NQO2: variants seen among roughly 807,000 people sequenced by gnomAD.
NQO2 encodes the protein ribosyldihydronicotinamide dehydrogenase [quinone].
Under a neutral mutation model 22.0 loss-of-function variants are expected in NQO2, and 18 were observed. That is an observed-to-expected ratio of 0.82 (90% CI 0.56 to 1.21). NQO2 has a LOEUF of 1.21. Ranked by LOEUF, NQO2 falls within the 50% of genes most tolerant of loss-of-function variation. NQO2 has a pLI of 0.00. For synonymous variants in NQO2, 106 were observed against 110.8 expected (o/e 0.96, Z 0.28); for missense variants, 267 against 286.9 (o/e 0.93, Z 0.50).
At chr6:3,018,626 G>C (rs373176501) in intron 6 of NQO2, among the ~76,000 whole-genome samples, 1 of 152,198 alleles carries the variant, frequency 6.6e-6, no homozygotes. Context: ...GAGGGTGTGG[G>C]TTTTAAAGGA....
chr6:3,010,479 T>G lies in NQO2; in HGVS notation c.172+290T>G, dbSNP rs893164294. Among the ~76,000 whole-genome samples, 10 of 152,028 alleles carry G rather than the reference T, an allele frequency of 6.6e-5. No homozygotes were observed. The East Asian group carries it at 1.7e-3, about 26-fold the overall frequency. The stretch of plus-strand genomic sequence containing the variant: ...CACAAACTACCCAGCACCAGCTGTG[T>G]GGGAAATTTCCTCCCAAGTCACAGG... On this transcript the variant is annotated intron_variant, in intron 3 of 6. Transcript: ENST00000380455.
intron 1 of NQO2, among the ~76,000 whole-genome samples, chr6:3,001,693 G>A (rs978568193): frequency 6.6e-6 from 1 of 151,886 alleles, no homozygotes. Context: ...AGAGGCACAG[G>A]AAAAAAAGTG....
chr6:3,000,993 C>T (rs1581314582), intron 1 of NQO2, among the ~76,000 whole-genome samples: 2 of 152,190 alleles, frequency 1.3e-5, no homozygotes, highest in South Asian at 4.1e-4. Flanking sequence ...CAGGCGCCTG[C>T]CACCATGCCC....
At chr6:3,019,399 T>TC in intron 6 of NQO2, 80 bp from the exon 7 acceptor site, 3 of 1,489,418 alleles carry the variant, frequency 2.0e-6, no homozygotes, top group Non-Finnish European at 2.7e-6. Context: ...TCACACCATT[T>TC]CCCCCCTTAA....
intron 3 of NQO2, among the ~76,000 whole-genome samples, 156 bp downstream of exon 3, chr6:3,010,345 T>C (rs945374042): frequency 6.6e-6 from 1 of 151,986 alleles, no homozygotes; most frequent in African/African-American, 2.4e-5. Context: ...ACCAGCAGTA[T>C]CCCAGAAGTC....
intron 1 of NQO2, among the ~76,000 whole-genome samples, chr6:3,003,231 C>T (rs974512807): frequency 1.3e-5 from 2 of 152,202 alleles, no homozygotes; most frequent in South Asian, 4.1e-4. Flanking sequence ...CTGTAAGTTA[C>T]AGCCCCACTT....
In NQO2 at chr6:3,019,665, A is replaced by G; in HGVS notation, c.*10A>G. On this transcript the variant is annotated 3_prime_UTR_variant, in exon 7 of 7. Transcript: ENST00000380455. Reference sequence around the variant, plus strand: ...GCACTTCGGGCAATAACTCTGTGGCACGTGGGCATCACGTAAGCAGCACAC... The same window carrying G: ...GCACTTCGGGCAATAACTCTGTGGCGCGTGGGCATCACGTAAGCAGCACAC... The G allele has an allele frequency of 6.3e-7, 1 of 1,594,472 alleles. No individual in the cohort carries two copies. Among genetic ancestry groups the G allele is most frequent in the South Asian group, 1.1e-5 (1 of 89,610 alleles).
chr6:3,013,235 G>T (rs371134202), intron 4 of NQO2, among the ~76,000 whole-genome samples: 1 of 152,034 alleles, frequency 6.6e-6, no homozygotes, highest in African/African-American at 2.4e-5. Flanking sequence ...GATTACAGGC[G>T]TGAGCCACCG....
chr6:3,018,154 A>G (rs866249262), intron 6 of NQO2, among the ~76,000 whole-genome samples: 42 of 152,216 alleles, frequency 2.8e-4, no homozygotes, highest in Admixed American at 5.9e-4. Flanking sequence ...GACCCCGACC[A>G]TTTGCTGTTT....
Position 3,016,430 on chromosome 6 carries a change from CAAA to C in NQO2, c.418-436_418-434del, listed in dbSNP as rs36118697. 1.1e-3 allele frequency among the ~76,000 whole-genome samples: 92 copies of C among 85,668 alleles called. 1 individual carries two copies. The East Asian group carries it at 0.016, about 15-fold the overall frequency. 56.2% of individuals were successfully genotyped at this position (85,668 alleles called of 152,430 possible). A position where few individuals can be genotyped will look rare whatever the true frequency, so the allele number is the denominator to read the frequency against. On this transcript the variant is annotated intron_variant, in intron 5 of 6. Transcript: ENST00000380455. The stretch of plus-strand genomic sequence containing the variant: ...TGGGTGACAAAGCGAGACTCTGTCT[CAAA>C]AAAAAAAAAAAAAAAAAGGAACGAT...
At chr6:3,014,735 A>T (rs1347608559) in intron 4 of NQO2, among the ~76,000 whole-genome samples, 1 of 152,090 alleles carries the variant, frequency 6.6e-6, no homozygotes, top group Non-Finnish European at 1.5e-5. Flanking sequence ...AGAGCCCACC[A>T]CTCACTGAGC....
At chr6:3,014,978 G>A in intron 4 of NQO2, 1 of 731,048 alleles carries the variant, frequency 1.4e-6, no homozygotes, top group South Asian at 1.5e-5. Context: ...TTTGGTAACA[G>A]ATGATTGCCT....
intron 2 of NQO2, among the ~76,000 whole-genome samples, chr6:3,008,313 G>A (rs184194002): frequency 2.6e-5 from 4 of 152,156 alleles, no homozygotes; most frequent in African/African-American, 9.6e-5. Context: ...CAGCTACTCA[G>A]GAGGCTGAGG....
intron 5 of NQO2, 110 bp from the exon 6 acceptor site, chr6:3,016,774 T>C (rs1267763192): frequency 4.6e-6 from 7 of 1,511,866 alleles, no homozygotes; most frequent in Non-Finnish European, 5.3e-6. Context: ...CTGGAGGGTG[T>C]CCACACGCAT....
At chr6:3,000,623 C>G (rs62391551) in intron 1 of NQO2, among the ~76,000 whole-genome samples, 2,769 of 151,800 alleles carry the variant, frequency 0.018, 42 homozygotes, top group Non-Finnish European at 0.031. Context: ...CTCACTGCAA[C>G]CTCCGCCTCC....
Position 3,015,646 on chromosome 6 carries a change from A to T in NQO2, c.417+3A>T. On this transcript the variant is annotated splice_donor_region_variant and intron_variant, in intron 5 of 6. Coordinates refer to ENST00000380455, the MANE Select transcript of NQO2 (RefSeq NM_000904.6). ...TCTACGATTCCGGTTTGCTCCAGGT[A>T]TGTGCTCTTGGATAAGGATCACTAT... 1.9e-6 allele frequency: 3 copies of T among 1,613,946 alleles called. No homozygotes were observed. Among genetic ancestry groups the T allele is most frequent in the Non-Finnish European group, 2.5e-6 (3 of 1,179,880 alleles).
rs1172513185 is a variant in NQO2 at position 3,015,245 on chromosome 6, C to T, written c.304-285C>T. On this transcript the variant is annotated intron_variant, in intron 4 of 6. Transcript: ENST00000380455. Reference sequence around the variant, plus strand: ...CTGCTGCTCCAAAGCTGGTGTTACGCACAGCTCCTCGTCCCCTCCCTGCCT... The same window carrying T: ...CTGCTGCTCCAAAGCTGGTGTTACGTACAGCTCCTCGTCCCCTCCCTGCCT... The T allele has an allele frequency of 2.8e-6, 4 of 1,412,814 alleles. No individual in the cohort carries two copies. The East Asian group carries it at 1.0e-4, about 36-fold the overall frequency. 87.5% of individuals were successfully genotyped at this position (1,412,814 alleles called of 1,614,324 possible).
At position 3,006,340 on chromosome 6, in the gene NQO2, C is replaced by G. The variant is rs568896792; in HGVS notation, c.-85-128C>G. The G allele has an allele frequency of 4.4e-6, 6 of 1,371,210 alleles. No individual in the cohort carries two copies. Among genetic ancestry groups the G allele is most frequent in the East Asian group, 5.8e-5 (2 of 34,384 alleles). The allele number at this position is 1,371,210 out of a possible 1,614,324, so 84.9% of individuals were successfully genotyped here. ...CCTAAATCTCCAGAAGATTCCTGGCCTCTCTTGAGAGGTCTTTCTCTGATG... is the reference window on the plus strand; with the variant it reads ...CCTAAATCTCCAGAAGATTCCTGGCGTCTCTTGAGAGGTCTTTCTCTGATG... On this transcript the variant is annotated intron_variant, in intron 1 of 6. Coordinates refer to ENST00000380455, the MANE Select transcript of NQO2 (RefSeq NM_000904.6). The surrounding 1 kb of genome is among the most constrained non-coding windows in gnomAD (Gnocchi z 4.0).
intron 6 of NQO2, among the ~76,000 whole-genome samples, chr6:3,017,515 C>A (rs1233981321): frequency 6.6e-6 from 1 of 152,258 alleles, no homozygotes; most frequent in Non-Finnish European, 1.5e-5. Flanking sequence ...CACACACCCA[C>A]CTCCCAGTCC....
Sources: allele counts gnomAD v4.1 joint callset (sites outside exome capture counted in the v4.1 genomes callset), GRCh38; gene constraint gnomAD v4.1.1; non-coding constraint Gnocchi (gnomAD v3.1); transcripts MANE v1.5; gene names NCBI Gene and HGNC (gene_info 2026-07-23, HGNC 2026-07-21).